The following TOX variants were observed in gnomAD, a reference collection of about 807,000 sequenced individuals.
TOX encodes the protein thymocyte selection-associated high mobility group box protein TOX.
A neutral mutation model predicts 53.7 loss-of-function variants in TOX; 11 were observed. That is an observed-to-expected ratio of 0.20 (90% confidence interval 0.13 to 0.34). The LOEUF (loss-of-function observed/expected upper bound fraction) is 0.34, where lower values mean the gene tolerates loss of function less well. Among genes scored for constraint, TOX ranks in the 10% least tolerant of loss-of-function variants. TOX has a pLI of 1.00. For synonymous variants in TOX, 225 were observed against 245.3 expected (o/e 0.92, Z 0.77); for missense variants, 570 against 664.6 (o/e 0.86, Z 1.56).
chr8:58,863,616 T>C (rs868673628), intron 3 of TOX, among the ~76,000 whole-genome samples: 1 of 152,200 alleles, frequency 6.6e-6, no homozygotes, highest in Non-Finnish European at 1.5e-5. Flanking sequence ...TCTGATGATG[T>C]TTTTAGCTGT....
intron 3 of TOX, among the ~76,000 whole-genome samples, chr8:58,878,491 G>A (rs1179130166): frequency 2.0e-5 from 3 of 151,924 alleles, no homozygotes; most frequent in African/African-American, 4.8e-5. Flanking sequence ...CAATCTTTAG[G>A]TGAATGTTGA....
At chr8:58,820,661 T>G (rs759677575) in intron 6 of TOX, among the ~76,000 whole-genome samples, 8 of 152,136 alleles carry the variant, frequency 5.3e-5, no homozygotes, top group Admixed American at 4.6e-4. Context: ...TGGGTGATGT[T>G]TGGGGAAAAG....
chr8:58,996,629 T>G (rs891072400), intron 1 of TOX, among the ~76,000 whole-genome samples: 8 of 152,262 alleles, frequency 5.3e-5, no homozygotes, highest in African/African-American at 1.9e-4. Flanking sequence ...TTGATAGTTT[T>G]GGTACTTTTT....
chr8:59,055,207 C>A (rs1173359581), intron 1 of TOX, among the ~76,000 whole-genome samples: 2 of 152,068 alleles, frequency 1.3e-5, no homozygotes, highest in African/African-American at 2.4e-5. Flanking sequence ...AGCTGTGCTC[C>A]GATCAGCTGC....
At chr8:59,100,590 G>A (rs931342092) in intron 1 of TOX, among the ~76,000 whole-genome samples, 3 of 152,070 alleles carry the variant, frequency 2.0e-5, no homozygotes, top group East Asian at 1.9e-4. Flanking sequence ...TGAGATTCAC[G>A]GAATTATTTT....
chr8:58,853,269 C>T (rs113059364), intron 3 of TOX, among the ~76,000 whole-genome samples: 6 of 152,214 alleles, frequency 3.9e-5, no homozygotes, highest in South Asian at 2.1e-4. Context: ...TTTCTAAGTC[C>T]GAATCAACGT....
At chr8:58,938,411 A>T (rs1468871230) in intron 3 of TOX, among the ~76,000 whole-genome samples, 1 of 152,246 alleles carries the variant, frequency 6.6e-6, no homozygotes, top group Non-Finnish European at 1.5e-5. Context: ...GTGAGTGAAC[A>T]ATGAAAACCA....
rs1190663107 is a variant in TOX, at chr8:59,118,697, GT to G, written c.102+188del. Among the ~76,000 whole-genome samples the G allele has an allele frequency of 6.6e-6, 1 of 152,258 alleles. No homozygotes were observed. Among genetic ancestry groups the G allele is most frequent in the South Asian group, 2.1e-4 (1 of 4,822 alleles). On this transcript the variant is annotated intron_variant, in intron 1 of 8. Coordinates refer to ENST00000361421, the MANE Select transcript of TOX (RefSeq NM_014729.3). The surrounding 1 kb of genome is among the most constrained non-coding windows in gnomAD (Gnocchi z 4.1). Reference sequence around the variant, plus strand: ...GTGTCACTTTCCGCACAATCGCGGTGTTTGGCAAGCCCCCGGAGCTACTCCA... The same window carrying G: ...GTGTCACTTTCCGCACAATCGCGGTGTTGGCAAGCCCCCGGAGCTACTCCA...
intron 3 of TOX, among the ~76,000 whole-genome samples, chr8:58,931,437 T>C (rs545989955): frequency 2.6e-5 from 4 of 152,074 alleles, no homozygotes; most frequent in East Asian, 3.9e-4. Flanking sequence ...AACTGCAGGA[T>C]TGACTTAATA....
At chr8:58,908,148 G>T (rs1171464914) in intron 3 of TOX, among the ~76,000 whole-genome samples, 1 of 152,080 alleles carries the variant, frequency 6.6e-6, no homozygotes, top group African/African-American at 2.4e-5. Flanking sequence ...CAATGCAAAT[G>T]TCTACCTCTG....
intron 1 of TOX, among the ~76,000 whole-genome samples, chr8:58,967,608 A>G (rs1461442084): frequency 6.6e-6 from 1 of 152,162 alleles, no homozygotes; most frequent in Non-Finnish European, 1.5e-5. Context: ...GGTTTTGGGT[A>G]ACATACTCTG....
chr8:59,055,515 G>A (rs540532936), intron 1 of TOX, among the ~76,000 whole-genome samples: 124 of 152,246 alleles, frequency 8.1e-4, no homozygotes, highest in African/African-American at 2.7e-3. Flanking sequence ...CACCATGGCT[G>A]ACCATATATT....
intron 1 of TOX, among the ~76,000 whole-genome samples, chr8:59,006,616 C>T (rs574842485): frequency 6.6e-6 from 1 of 152,206 alleles, no homozygotes; most frequent in African/African-American, 2.4e-5. Context: ...TCACAAAGGA[C>T]CTAATATATA....
At chr8:59,055,041 TCTAA>T (rs1406998347) in intron 1 of TOX, among the ~76,000 whole-genome samples, 2 of 151,456 alleles carry the variant, frequency 1.3e-5, no homozygotes, top group South Asian at 2.1e-4. Flanking sequence ...AAGAAAAAAA[TCTAA>T]CTAGCTTCAT....
At chr8:58,842,715 T>C (rs1252465781) in intron 4 of TOX, among the ~76,000 whole-genome samples, 2 of 152,182 alleles carry the variant, frequency 1.3e-5, no homozygotes, top group Non-Finnish European at 2.9e-5. Context: ...TTTAGGGATG[T>C]CCTGAAGAAA....
At chr8:58,865,434 T>TA (rs1811080494) in intron 3 of TOX, among the ~76,000 whole-genome samples, 1 of 152,058 alleles carries the variant, frequency 6.6e-6, no homozygotes, top group Non-Finnish European at 1.5e-5. Context: ...TTTTTTTTTT[T>TA]AGTTTTAATT....
At position 59,040,268 on chromosome 8, in the gene TOX, G is replaced by T. The variant is rs1032014641; in HGVS notation, c.102+78618C>A. On this transcript the variant is annotated intron_variant, in intron 1 of 8. Coordinates refer to ENST00000361421, the MANE Select transcript of TOX (RefSeq NM_014729.3). ...GGCGGGAACCCGGGAGGCGGAGCTT[G>T]CAGTGAGCCGAGATCCCGCCACTGC... Among the ~76,000 whole-genome samples, 137 of 142,282 alleles carry T rather than the reference G, an allele frequency of 9.6e-4. 1 individual carries two copies. Among genetic ancestry groups the T allele is most frequent in the Non-Finnish European group, 1.5e-3 (97 of 66,108 alleles). The allele number at this position is 142,282 out of a possible 152,430, so 93.3% of individuals were successfully genotyped here. A position where few individuals can be genotyped will look rare whatever the true frequency, so the allele number is the denominator to read the frequency against.
intron 3 of TOX, among the ~76,000 whole-genome samples, chr8:58,931,402 G>A (rs577082781): frequency 1.2e-3 from 189 of 152,126 alleles, no homozygotes; most frequent in African/African-American, 4.3e-3. Context: ...AAAGGAATTG[G>A]GGTTATTTGG....
intron 2 of TOX, among the ~76,000 whole-genome samples, chr8:58,957,793 A>G (rs1252390008): frequency 6.6e-6 from 1 of 152,198 alleles, no homozygotes; most frequent in African/African-American, 2.4e-5. Flanking sequence ...GATGTTATGT[A>G]GGAAAAGGAA....
Sources: gnomAD v4.1 joint callset for allele counts (sites outside exome capture counted in the v4.1 genomes callset) on GRCh38, gnomAD v4.1.1 for gene constraint, Gnocchi (gnomAD v3.1) non-coding constraint, MANE v1.5 for transcripts, NCBI Gene and HGNC (gene_info 2026-07-23, HGNC 2026-07-21) for gene names.